Variants in C7orf57 observed in about 807,000 individuals in gnomAD.
C7orf57 encodes chromosome 7 open reading frame 57.
C7orf57 carries 33 observed loss-of-function variants against 39.0 expected under a neutral mutation model. The observed-to-expected ratio is 0.85, with a 90% CI of 0.64 to 1.13. C7orf57 has a LOEUF of 1.13. Ranked by LOEUF, C7orf57 falls within the 50% of genes most tolerant of loss-of-function variation. The pLI, the probability that C7orf57 is intolerant of heterozygous loss-of-function variation, is 0.00. For synonymous variants in C7orf57, 124 were observed against 137.1 expected (o/e 0.90, Z 0.67); for missense variants, 346 against 362.3 (o/e 0.95, Z 0.37).
Position 48,036,371 on chromosome 7 carries a change from C to A in C7orf57, c.55+8C>A. On this transcript the variant is annotated splice_region_variant and intron_variant, in intron 2 of 8. Transcript: ENST00000348904. ...ACCGCTACGCTCCCTGCGGTGAGTG[C>A]GCCCTGAGCGCGTCCCGGCCAGAAA... 1.3e-6 allele frequency: 2 copies of A among 1,567,694 alleles called. No homozygotes were observed. Among genetic ancestry groups the A allele is most frequent in the East Asian group, 2.3e-5 (1 of 42,560 alleles).
chr7:48,046,760 C>G, intron 5 of C7orf57, 144 bp downstream of exon 5: 1 of 848,768 alleles, frequency 1.2e-6, no homozygotes, highest in Admixed American at 3.0e-5. Context: ...AAGTTTGGAT[C>G]TACTAAAAGG....
At position 48,043,578 on chromosome 7, in the gene C7orf57, C is replaced by A. The variant is rs767008613; in HGVS notation, c.339C>A (p.Ala113=). 2 of 1,613,580 alleles carry A rather than the reference C, an allele frequency of 1.2e-6. No individual in the cohort carries two copies. Among genetic ancestry groups the A allele is most frequent in the African/African-American group, 2.7e-5 (2 of 74,916 alleles). ...TCCACCACAGCAAGCCACCGACAGC[C>A]AGCCAGCAAGAGTAAGTACCTTAAA... ...WYIHHSKPPT[A]SQQEVRAVSM... Residue 113 remains alanine, a synonymous_variant, in exon 4 of 9, where the codon GCC becomes GCA. Coordinates refer to ENST00000348904, the MANE Select transcript of C7orf57 (RefSeq NM_001100159.3).
chr7:48,045,739 T>C lies in C7orf57; in HGVS notation c.351-721T>C, dbSNP rs188102409. Among the ~76,000 whole-genome samples, 117 of 152,306 alleles carry C rather than the reference T, an allele frequency of 7.7e-4. 1 individual carries two copies. Among genetic ancestry groups the C allele is most frequent in the East Asian group, 4.8e-3 (25 of 5,172 alleles). On this transcript the variant is annotated intron_variant, in intron 4 of 8. Coordinates refer to ENST00000348904, the MANE Select transcript of C7orf57 (RefSeq NM_001100159.3). ...CAAACTTGAATCCAGTGTTCTTCCCTGTTCAAACCTGGTTATGTGTACAGA... is the reference window on the plus strand; with the variant it reads ...CAAACTTGAATCCAGTGTTCTTCCCCGTTCAAACCTGGTTATGTGTACAGA...
Position 48,036,228 on chromosome 7 carries a change from TC to T in C7orf57, c.-80del, listed in dbSNP as rs1215424633. ...TGCAGCTGCAGCTCCTGGCAACTGG[TC>T]AAGCAGGCAGCGTCCAGCGCACCCG... is the stretch of plus-strand genomic sequence containing the variant. On this transcript the variant is annotated 5_prime_UTR_variant, in exon 2 of 9. Transcript: ENST00000348904. The T allele has an allele frequency of 1.4e-6, 2 of 1,468,810 alleles. No individual in the cohort carries two copies. Among genetic ancestry groups the T allele is most frequent in the Non-Finnish European group, 1.9e-6 (2 of 1,071,996 alleles). 91.0% of individuals were successfully genotyped at this position (1,468,810 alleles called of 1,614,324 possible).
chr7:48,051,817 C>CTCTTCTCTTCTCTTCTCTTCTCTT (rs1554299753), intron 6 of C7orf57, among the ~76,000 whole-genome samples: 1 of 51,150 alleles, frequency 2.0e-5, no homozygotes, highest in Non-Finnish European at 4.1e-5. Context: ...CTTTTCTCTT[C>CTCTTCTCTTCTCTTCTCTTCTCTT]TCTTTCTTTC....
chr7:48,051,839 CTTTCT>C lies in C7orf57; in HGVS notation c.606-858_606-854del, dbSNP rs1307199349. ...CTTCTCTTTCTTTCTTTCTTTCTTT[CTTTCT>C]TTCTTTCTTTCTTTCTTTCTTTCTT... On this transcript the variant is annotated intron_variant, in intron 6 of 8. Coordinates refer to ENST00000348904, the MANE Select transcript of C7orf57 (RefSeq NM_001100159.3). Among the ~76,000 whole-genome samples, 4 of 59,200 alleles carry C rather than the reference CTTTCT, an allele frequency of 6.8e-5. 1 individual carries two copies. The highest frequency in any genetic ancestry group is 3.8e-4 in the African/African-American group (4 of 10,570). 38.8% of individuals were successfully genotyped at this position (59,200 alleles called of 152,430 possible). A position where few individuals can be genotyped will look rare whatever the true frequency, so the allele number is the denominator to read the frequency against.
intron 8 of C7orf57, among the ~76,000 whole-genome samples, chr7:48,055,701 G>A (rs1791097377): frequency 6.6e-6 from 1 of 151,974 alleles, no homozygotes; most frequent in Admixed American, 6.6e-5. Flanking sequence ...TCCATATATG[G>A]CTGCAATTAT....
At position 48,054,598 on chromosome 7, in the gene C7orf57, C is replaced by T; in HGVS notation, c.833C>T (p.Ser278Phe). The change falls in exon 8 of 9, where the codon TCT becomes TTT. Residue 278 changes from serine (S) to phenylalanine (F), a missense_variant. Coordinates refer to ENST00000348904, the MANE Select transcript of C7orf57 (RefSeq NM_001100159.3). ...ASEGPEDTPESSQSPEESVSA... is the reference protein window; with the variant it reads ...ASEGPEDTPEFSQSPEESVSA... ...ACGAATGTACTTTTTATTACAGAGT[C>T]TTCTCAAAGTGAGTACTTATAAAGT... is the stretch of plus-strand genomic sequence containing the variant. 2 of 1,549,066 alleles carry T rather than the reference C, an allele frequency of 1.3e-6. No homozygotes were observed. Among genetic ancestry groups the T allele is most frequent in the Non-Finnish European group, 1.7e-6 (2 of 1,144,774 alleles).
In C7orf57 at chr7:48,049,975, C is replaced by T. The variant is rs752606526; in HGVS notation, c.603C>T (p.Pro201=). ...NPAGSRLSFP[P]VPGQKNSSPT... ...CAGGAAGTAGACTCTCCTTCCCCCC[C>T]GTGTAAGTGCTTGAGCTACGCCCTC... The change falls in exon 6 of 9, where the codon CCC becomes CCT. Residue 201 remains proline (P), a splice_region_variant and synonymous_variant. Transcript: ENST00000348904. The T allele has an allele frequency of 2.8e-5, 44 of 1,591,204 alleles. No homozygotes were observed. The highest frequency in any genetic ancestry group is 3.3e-4 in the Middle Eastern group (2 of 6,062).
intron 5 of C7orf57, among the ~76,000 whole-genome samples, chr7:48,048,202 G>A (rs918646832): frequency 1.3e-5 from 2 of 152,202 alleles, no homozygotes; most frequent in African/African-American, 4.8e-5. Flanking sequence ...ATGGTGTCGG[G>A]TAAGGTGCAG....
At chr7:48,036,163 C>T in intron 1 of C7orf57, 45 bp from the exon 2 acceptor site, 1 of 774,692 alleles carries the variant, frequency 1.3e-6, no homozygotes, top group Non-Finnish European at 2.3e-6. Flanking sequence ...CAGGGCGAGG[C>T]GTACAGACCG....
At chr7:48,047,932 C>G (rs1007737960) in intron 5 of C7orf57, among the ~76,000 whole-genome samples, 1 of 152,198 alleles carries the variant, frequency 6.6e-6, no homozygotes, top group Non-Finnish European at 1.5e-5. Flanking sequence ...ACCAATTACA[C>G]TGAGCTACAA....
chr7:48,049,336 G>C lies in C7orf57; in HGVS notation c.508-544G>C, dbSNP rs116277950. On this transcript the variant is annotated intron_variant, in intron 5 of 8. Transcript: ENST00000348904. ...AATGTGAAATCAATGGAATCATACG[G>C]CATGGCGTCTTTCCTGCTTGGCTTC... Among the ~76,000 whole-genome samples, 933 of 152,156 alleles carry C rather than the reference G, an allele frequency of 6.1e-3. 7 individuals carry two copies. Among genetic ancestry groups the C allele is most frequent in the African/African-American group, 0.022 (904 of 41,492 alleles).
intron 3 of C7orf57, among the ~76,000 whole-genome samples, chr7:48,042,957 C>T (rs2128791962): frequency 6.6e-6 from 1 of 152,296 alleles, no homozygotes; most frequent in Middle Eastern, 3.4e-3. Context: ...TGAAATCTCC[C>T]AGGTACCTTT....
intron 8 of C7orf57, 75 bp from the exon 9 acceptor site, chr7:48,060,151 A>T: frequency 1.0e-6 from 1 of 978,720 alleles, no homozygotes; most frequent in Non-Finnish European, 1.5e-6. Context: ...GTGTTTTCTT[A>T]TATTTAAAAT....
Position 48,060,305 on chromosome 7 carries a change from T to A in C7orf57, c.*33T>A. Reference sequence around the variant, plus strand: ...TGCAATATGTATTTAGGATAATTTTTAAATGGCTAAATATGACATGACTGT... The same window carrying A: ...TGCAATATGTATTTAGGATAATTTTAAAATGGCTAAATATGACATGACTGT... On this transcript the variant is annotated 3_prime_UTR_variant, in exon 9 of 9. Coordinates refer to ENST00000348904, the MANE Select transcript of C7orf57 (RefSeq NM_001100159.3). The A allele has an allele frequency of 7.3e-7, 1 of 1,367,126 alleles. No individual in the cohort carries two copies. Among genetic ancestry groups the A allele is most frequent in the Non-Finnish European group, 1.0e-6 (1 of 993,710 alleles). The allele number at this position is 1,367,126 out of a possible 1,614,324, so 84.7% of individuals were successfully genotyped here. A position where few individuals can be genotyped will look rare whatever the true frequency, so the allele number is the denominator to read the frequency against.
intron 7 of C7orf57, among the ~76,000 whole-genome samples, chr7:48,053,304 CT>C (rs1339004240): frequency 1.3e-5 from 2 of 152,162 alleles, no homozygotes; most frequent in African/African-American, 4.8e-5. Flanking sequence ...TTTGAGATCA[CT>C]TCTTAAAAAG....
In C7orf57 at chr7:48,037,450, G is replaced by T. The variant is rs563758221; in HGVS notation, c.55+1087G>T. ...GTAAGTGGCTCCACAGCTGTTCTGT[G>T]AGGCCACAGCAGCCTAAAGCAGGAG... is the stretch of plus-strand genomic sequence containing the variant. On this transcript the variant is annotated intron_variant, in intron 2 of 8. Transcript: ENST00000348904. Among the ~76,000 whole-genome samples the T allele has an allele frequency of 1.4e-4, 21 of 152,298 alleles. No homozygotes were observed. The South Asian group carries it at 3.9e-3, about 29-fold the overall frequency.
intron 5 of C7orf57, among the ~76,000 whole-genome samples, chr7:48,049,553 G>A (rs761865308): frequency 1.3e-4 from 20 of 152,090 alleles, no homozygotes; most frequent in Non-Finnish European, 2.1e-4. Flanking sequence ...TTACAAAAGC[G>A]TACAGGTGCT....
Sources: gnomAD v4.1 joint callset for allele counts (sites outside exome capture counted in the v4.1 genomes callset) on GRCh38, gnomAD v4.1.1 for gene constraint, MANE v1.5 for transcripts, NCBI Gene and HGNC (gene_info 2026-07-23, HGNC 2026-07-21) for gene names.